Variants in FOXN3 observed in about 807,000 individuals in gnomAD.
FOXN3 encodes forkhead box protein N3.
FOXN3 carries 7 observed loss-of-function variants against 38.4 expected under a neutral mutation model. That is an observed-to-expected ratio of 0.18 (90% confidence interval 0.10 to 0.34). FOXN3 has a LOEUF of 0.34. Among genes scored for constraint, FOXN3 ranks in the 10% least tolerant of loss-of-function variants. The pLI, the probability that FOXN3 is intolerant of heterozygous loss-of-function variation, is 1.00. For missense variants in FOXN3, 456 were observed against 613.4 expected, an observed-to-expected ratio of 0.74 and a Z score of 2.71; for synonymous variants, 230 against 242.2, an observed-to-expected ratio of 0.95 and a Z score of 0.47.
intron 4 of FOXN3, among the ~76,000 whole-genome samples, chr14:89,275,471 C>T (rs1215042844): frequency 6.6e-6 from 1 of 152,186 alleles, no homozygotes; most frequent in Non-Finnish European, 1.5e-5. Context: ...TGCCACGTGG[C>T]TTGTCCAAGG....
intron 3 of FOXN3, among the ~76,000 whole-genome samples, chr14:89,342,835 C>T (rs946694657): frequency 3.9e-5 from 6 of 152,106 alleles, no homozygotes; most frequent in Admixed American, 1.3e-4. Context: ...TAATGCCTCA[C>T]GCTTTTAAAT....
chr14:89,247,790 C>T (rs114245033), intron 4 of FOXN3, among the ~76,000 whole-genome samples: 159 of 152,322 alleles, frequency 1.0e-3, no homozygotes, highest in African/African-American at 3.7e-3. Context: ...CCAGTGGCTT[C>T]CCATCACAAT....
At chr14:89,449,596 A>G (rs1041211786) in intron 1 of FOXN3, among the ~76,000 whole-genome samples, 1 of 152,192 alleles carries the variant, frequency 6.6e-6, no homozygotes, top group Non-Finnish European at 1.5e-5. Context: ...AACAAGACAG[A>G]ATTTATTTGA....
intron 1 of FOXN3, among the ~76,000 whole-genome samples, chr14:89,422,652 A>T (rs1307521132): frequency 3.3e-5 from 5 of 152,156 alleles, no homozygotes. Flanking sequence ...GACCCTTAAC[A>T]TCTTGGTGTG....
chr14:89,193,212 TC>T (rs1242765801), intron 4 of FOXN3, among the ~76,000 whole-genome samples: 1 of 152,122 alleles, frequency 6.6e-6, no homozygotes, highest in South Asian at 2.1e-4. Flanking sequence ...CCAAAGTTTT[TC>T]TCGGTGGCCA....
chr14:89,471,386 G>C (rs1425143127), intron 1 of FOXN3, among the ~76,000 whole-genome samples: 1 of 152,144 alleles, frequency 6.6e-6, no homozygotes, highest in Non-Finnish European at 1.5e-5. Flanking sequence ...TGGATTGCTT[G>C]AGCCCAGGAG....
At chr14:89,290,445 A>G in intron 3 of FOXN3, 1 of 385,318 alleles carries the variant, frequency 2.6e-6, no homozygotes, top group South Asian at 2.2e-5. Flanking sequence ...CATTTCCCCA[A>G]TGCCCACCAA....
chr14:89,201,524 A>G (rs1888234164), intron 4 of FOXN3, among the ~76,000 whole-genome samples: 1 of 152,176 alleles, frequency 6.6e-6, no homozygotes, highest in African/African-American at 2.4e-5. Flanking sequence ...GAGACCCCAG[A>G]GCACCTCAGA....
intron 2 of FOXN3, among the ~76,000 whole-genome samples, chr14:89,374,418 CTGGG>C: frequency 6.6e-6 from 1 of 152,108 alleles, no homozygotes; most frequent in East Asian, 1.9e-4. Context: ...AATCCCACTC[CTGGG>C]TATTTCTTCA....
chr14:89,332,700 T>A (rs1027540344), intron 3 of FOXN3, among the ~76,000 whole-genome samples: 11 of 152,244 alleles, frequency 7.2e-5, no homozygotes, highest in Admixed American at 3.3e-4. Context: ...CAAACATAAG[T>A]GGGACTACAT....
intron 2 of FOXN3, among the ~76,000 whole-genome samples, chr14:89,398,678 A>G (rs1360183556): frequency 6.6e-6 from 1 of 152,126 alleles, no homozygotes; most frequent in Non-Finnish European, 1.5e-5. Flanking sequence ...AAAGTTCCAT[A>G]TTACTTTTCT....
At chr14:89,431,235 C>G (rs1455088661) in intron 1 of FOXN3, among the ~76,000 whole-genome samples, 1 of 152,156 alleles carries the variant, frequency 6.6e-6, no homozygotes, top group Admixed American at 6.5e-5. Flanking sequence ...CTCTCTCTCT[C>G]TCCCAGGCTG....
chr14:89,398,852 G>C (rs1457635640), intron 2 of FOXN3, among the ~76,000 whole-genome samples: 1 of 152,140 alleles, frequency 6.6e-6, no homozygotes, highest in Non-Finnish European at 1.5e-5. Context: ...ACGCATGGTG[G>C]CACATGCCTG....
In FOXN3 at chr14:89,163,465, C is replaced by T. The variant is rs1403713510; in HGVS notation, c.852-496G>A. 6.6e-6 allele frequency among the ~76,000 whole-genome samples: 1 copy of T among 152,186 alleles called. No individual in the cohort carries two copies. The highest frequency in any genetic ancestry group is 1.5e-5 in the Non-Finnish European group (1 of 68,034). Reference sequence around the variant, plus strand: ...TACCTGCCATGTGGTGACAGCTACTCACTCATGCATTCCCTCCCTCGTTCA... The same window carrying T: ...TACCTGCCATGTGGTGACAGCTACTTACTCATGCATTCCCTCCCTCGTTCA... On this transcript the variant is annotated intron_variant, in intron 5 of 5. Transcript: ENST00000557258. This position sits in a 1 kb window ranked among gnomAD's most constrained non-coding sequence, Gnocchi z 4.3.
chr14:89,286,289 C>G (rs76795724), intron 3 of FOXN3, among the ~76,000 whole-genome samples: 15 of 151,770 alleles, frequency 9.9e-5, no homozygotes, highest in Admixed American at 7.2e-4. Context: ...GTGCTTGGGG[C>G]GGGAAGAAAG....
chr14:89,436,117 AG>A lies in FOXN3; in HGVS notation c.-14-23628del, dbSNP rs750176706. 8.3e-4 allele frequency among the ~76,000 whole-genome samples: 126 copies of A among 151,722 alleles called. 1 individual carries two copies. Among genetic ancestry groups the A allele is most frequent in the Non-Finnish European group, 7.4e-4 (50 of 67,926 alleles). On this transcript the variant is annotated intron_variant, in intron 1 of 6. Transcript: ENST00000345097. ...CGGCCTCCCAAAATGCTGAGATCAC[AG>A]GAGTGTGCCACCGCGCCCGGCCTGT...
chr14:89,364,382 GTTTTT>G (rs1555421794), intron 2 of FOXN3: 5 of 68,766 alleles, frequency 7.3e-5, no homozygotes, highest in African/African-American at 2.8e-4. Flanking sequence ...TTTTGTTTTT[GTTTTT>G]TTTCAGAAGG....
intron 4 of FOXN3, among the ~76,000 whole-genome samples, chr14:89,280,292 A>C (rs1886419900): frequency 6.6e-6 from 1 of 152,232 alleles, no homozygotes; most frequent in Admixed American, 6.5e-5. Flanking sequence ...TGGCCATTTC[A>C]AAAGGAACTT....
chr14:89,532,960 T>C (rs530518419), intron 1 of FOXN3, among the ~76,000 whole-genome samples: 147 of 152,102 alleles, frequency 9.7e-4, no homozygotes, highest in African/African-American at 3.2e-3. Flanking sequence ...TAGAGAAAGG[T>C]AGGAGGCTGA....
Sources: gnomAD v4.1 joint callset for allele counts (sites outside exome capture counted in the v4.1 genomes callset) on GRCh38, gnomAD v4.1.1 for gene constraint, Gnocchi (gnomAD v3.1) non-coding constraint, MANE v1.5 for transcripts, NCBI Gene and HGNC (gene_info 2026-07-23, HGNC 2026-07-21) for gene names.